STRN: variants seen among roughly 807,000 people sequenced by gnomAD.
The protein encoded by STRN is protein phosphatase 2 regulatory subunit B'''alpha.
Under a neutral mutation model 96.3 loss-of-function variants are expected in STRN, and 53 were observed. The observed-to-expected ratio is 0.55, with a 90% CI of 0.44 to 0.69. The LOEUF is 0.69. Ranked by LOEUF, STRN falls within the 30% of genes least tolerant of loss-of-function variation. The pLI is 0.00. For synonymous variants in STRN, 428 were observed against 355.9 expected (o/e 1.20, Z -2.28); for missense variants, 987 against 963.9 (o/e 1.02, Z -0.32).
intron 3 of STRN, among the ~76,000 whole-genome samples, chr2:36,911,345 A>T (rs1196886932): frequency 6.6e-6 from 1 of 152,114 alleles, no homozygotes; most frequent in Non-Finnish European, 1.5e-5. Context: ...ATTACTCCCA[A>T]TTCATTAGTT....
At chr2:36,914,201 G>C (rs1670033848) in intron 3 of STRN, among the ~76,000 whole-genome samples, 2 of 152,126 alleles carry the variant, frequency 1.3e-5, no homozygotes, top group African/African-American at 4.8e-5. Context: ...ACATTGCCCA[G>C]ACTGGTCTCA....
At chr2:36,867,083 A>G (rs2148146368) in intron 12 of STRN, among the ~76,000 whole-genome samples, 1 of 152,334 alleles carries the variant, frequency 6.6e-6, no homozygotes, top group East Asian at 1.9e-4. Flanking sequence ...TTAGCTGGTT[A>G]TTACACACAC....
At chr2:36,926,069 A>C (rs547171694) in intron 1 of STRN, among the ~76,000 whole-genome samples, 2 of 152,316 alleles carry the variant, frequency 1.3e-5, no homozygotes, top group East Asian at 3.9e-4. Context: ...GAAAAAAGAA[A>C]GTGAAAGTTG....
At chr2:36,964,768 G>C (rs181328637) in intron 1 of STRN, among the ~76,000 whole-genome samples, 23 of 152,236 alleles carry the variant, frequency 1.5e-4, no homozygotes, top group Admixed American at 1.5e-3. Flanking sequence ...CCTCACAGCA[G>C]TTGCCACTAT....
In STRN at chr2:36,839,392, A is replaced by T. The variant is rs968073489; in HGVS notation, c.*10064T>A. On this transcript the variant is annotated 3_prime_UTR_variant, in exon 18 of 18. Transcript: ENST00000263918. The stretch of plus-strand genomic sequence containing the variant: ...TAGCTGGCACTCAAATATTAAGGAA[A>T]GTAGTCTTCTGCTACTCTTGATGTT... Among the ~76,000 whole-genome samples the T allele has an allele frequency of 1.3e-5, 2 of 152,218 alleles. No individual in the cohort carries two copies.
intron 1 of STRN, among the ~76,000 whole-genome samples, chr2:36,938,275 A>C (rs556950149): frequency 6.6e-6 from 1 of 152,024 alleles, no homozygotes. Flanking sequence ...AAAGCACAAA[A>C]ATTAGCCAGG....
rs1449241710 is a variant in STRN, at chr2:36,846,761, C to G, written c.*2695G>C. The G allele has an allele frequency of 3.3e-5, 5 of 151,902 alleles. No homozygotes were observed. The highest frequency in any genetic ancestry group is 9.7e-5 in the African/African-American group (4 of 41,370). The allele number at this position is 151,902 out of a possible 1,614,324, so 9.4% of individuals were successfully genotyped here. On this transcript the variant is annotated 3_prime_UTR_variant, in exon 18 of 18. Coordinates refer to ENST00000263918, the MANE Select transcript of STRN (RefSeq NM_003162.4). ...CATTATATCACTTTTGTTAAATAAT[C>G]TGTCTATGGTTTGAGTAGCAAATGA...
At chr2:36,941,031 T>C (rs1049667982) in intron 1 of STRN, among the ~76,000 whole-genome samples, 2 of 151,988 alleles carry the variant, frequency 1.3e-5, no homozygotes, top group Non-Finnish European at 2.9e-5. Flanking sequence ...CACATGCCTG[T>C]AGGCCCAGCT....
chr2:36,901,004 A>G lies in STRN; in HGVS notation c.660-1346T>C, dbSNP rs75910819. 1.7e-3 allele frequency among the ~76,000 whole-genome samples: 229 copies of G among 131,772 alleles called. 1 individual carries two copies. The highest frequency in any genetic ancestry group is 3.8e-3 in the Admixed American group (51 of 13,382). 86.4% of individuals were successfully genotyped at this position (131,772 alleles called of 152,430 possible). ...CTTTTAGACAGAGAGCATTTTCCTG[A>G]AAAAAAAAAAAAATTGTAGAAACTA... On this transcript the variant is annotated intron_variant, in intron 5 of 17. Coordinates refer to ENST00000263918, the MANE Select transcript of STRN (RefSeq NM_003162.4).
chr2:36,874,831 T>C (rs960237923), intron 10 of STRN, among the ~76,000 whole-genome samples: 1 of 151,206 alleles, frequency 6.6e-6, no homozygotes, highest in African/African-American at 2.4e-5. Context: ...CAGAGAGAAC[T>C]GGATACCAAC....
chr2:36,943,313 G>A (rs1670892209), intron 1 of STRN, among the ~76,000 whole-genome samples: 1 of 151,714 alleles, frequency 6.6e-6, no homozygotes, highest in African/African-American at 2.4e-5. Context: ...TTTCTTGTAT[G>A]AAGAGACAGA....
At chr2:36,908,375 T>C (rs755781707) in intron 3 of STRN, among the ~76,000 whole-genome samples, 2 of 152,184 alleles carry the variant, frequency 1.3e-5, no homozygotes, top group Non-Finnish European at 2.9e-5. Flanking sequence ...GAATTACTGA[T>C]ACAAACATAC....
At chr2:36,889,421 CA>C (rs1423497136) in intron 7 of STRN, among the ~76,000 whole-genome samples, 1 of 151,330 alleles carries the variant, frequency 6.6e-6, no homozygotes, top group African/African-American at 2.4e-5. Flanking sequence ...TAATTTTCAT[CA>C]ATCAGGTCTT....
intron 9 of STRN, among the ~76,000 whole-genome samples, chr2:36,883,038 A>G (rs892753934): frequency 2.0e-5 from 3 of 152,240 alleles, no homozygotes; most frequent in Non-Finnish European, 2.9e-5. Flanking sequence ...ATAATATACA[A>G]TCTTAAAATT....
chr2:36,933,362 C>T (rs1456895397), intron 1 of STRN, among the ~76,000 whole-genome samples: 3 of 151,916 alleles, frequency 2.0e-5, no homozygotes, highest in East Asian at 3.9e-4. Context: ...GGGGAGTTCC[C>T]GGAACCAATA....
intron 15 of STRN, among the ~76,000 whole-genome samples, chr2:36,854,943 T>C (rs1668307298): frequency 6.6e-6 from 1 of 152,162 alleles, no homozygotes; most frequent in African/African-American, 2.4e-5. Context: ...TTTCTTCAAA[T>C]AGAATTGAAA....
chr2:36,897,747 A>C (rs188329918), intron 6 of STRN, among the ~76,000 whole-genome samples: 2 of 152,158 alleles, frequency 1.3e-5, no homozygotes, highest in East Asian at 3.9e-4. Context: ...AAAACTAAAA[A>C]AATTTTTGAG....
intron 1 of STRN, 92 bp downstream of exon 1, chr2:36,966,138 G>T: frequency 7.7e-7 from 1 of 1,305,458 alleles, no homozygotes; most frequent in South Asian, 1.8e-5. Flanking sequence ...GAGGGGACGC[G>T]AGAAGGCTGG....
chr2:36,894,124 C>A (rs1412942883), intron 6 of STRN, 91 bp from the exon 7 acceptor site: 2 of 1,443,360 alleles, frequency 1.4e-6, no homozygotes, highest in South Asian at 1.4e-5. Context: ...AGAAAGTATA[C>A]GTTTGTTGTG....
Sources: allele counts gnomAD v4.1 joint callset (sites outside exome capture counted in the v4.1 genomes callset), GRCh38; gene constraint gnomAD v4.1.1; transcripts MANE v1.5; gene names NCBI Gene and HGNC (gene_info 2026-07-23, HGNC 2026-07-21).